MFN2: variants seen among roughly 807,000 people sequenced by gnomAD.
MFN2 encodes the protein mitofusin 2, also known as mitofusin-2.
A neutral mutation model predicts 87.5 loss-of-function variants in MFN2; 43 were observed. That is an observed-to-expected ratio of 0.49 (90% confidence interval 0.38 to 0.63). The LOEUF (loss-of-function observed/expected upper bound fraction) is 0.63. Among genes scored for constraint, MFN2 ranks in the 30% least tolerant of loss-of-function variants. MFN2 has a pLI of 0.00. For synonymous variants in MFN2, 337 were observed against 359.9 expected, an observed-to-expected ratio of 0.94 and a Z score of 0.72; for missense variants, 743 against 972.8, an observed-to-expected ratio of 0.76 and a Z score of 3.14.
chr1:11,997,980 T>C (rs1397574697), intron 6 of MFN2, among the ~76,000 whole-genome samples: 1 of 141,812 alleles, frequency 7.1e-6, no homozygotes, highest in Non-Finnish European at 1.5e-5. Context: ...GCCTCCCGGG[T>C]TCAAGTGATT....
chr1:12,001,270 C>T, intron 8 of MFN2, 131 bp from the exon 9 acceptor site: 1 of 1,310,482 alleles, frequency 7.6e-7, no homozygotes, highest in Non-Finnish European at 1.1e-6. Flanking sequence ...GCCTTGGCTT[C>T]CCAAAGTGCT....
At chr1:11,985,482 T>TTTTA (rs1180231528) in intron 2 of MFN2, among the ~76,000 whole-genome samples, 4 of 120,954 alleles carry the variant, frequency 3.3e-5, no homozygotes, top group African/African-American at 6.6e-5. Context: ...TTTTTTTTTT[T>TTTTA]AAAGAGAGAG....
intron 11 of MFN2, among the ~76,000 whole-genome samples, chr1:12,002,424 T>A (rs899087503): frequency 6.6e-6 from 1 of 152,262 alleles, no homozygotes; most frequent in African/African-American, 2.4e-5. Flanking sequence ...CCAGGAGCAG[T>A]GACTCACACC....
intron 15 of MFN2, 38 bp downstream of exon 15, chr1:12,005,969 G>T: frequency 6.3e-7 from 1 of 1,592,036 alleles, no homozygotes; most frequent in Non-Finnish European, 8.6e-7. Context: ...ATTGTGGGGG[G>T]TCAGTCTGTA....
rs1639245825 is a variant in MFN2, at chr1:12,003,080, T to C, written c.1161-912T>C. Among the ~76,000 whole-genome samples the C allele has an allele frequency of 6.6e-6, 1 of 151,218 alleles. No homozygotes were observed. Among genetic ancestry groups the C allele is most frequent in the African/African-American group, 2.4e-5 (1 of 41,072 alleles). On this transcript the variant is annotated intron_variant, in intron 11 of 18. Coordinates refer to ENST00000235329, the MANE Select transcript of MFN2 (RefSeq NM_014874.4). This position sits in a 1 kb window ranked among gnomAD's most constrained non-coding sequence, Gnocchi z 4.1. The stretch of plus-strand genomic sequence containing the variant: ...CCTCATTTTCCTATGGATGGAATTT[T>C]AGATTTTTTTTTTGCTATTGGAAAC...
At chr1:11,997,811 CATGTACAGT>C (rs1173338689) in intron 6 of MFN2, among the ~76,000 whole-genome samples, 1 of 149,748 alleles carries the variant, frequency 6.7e-6, no homozygotes, top group Admixed American at 6.6e-5. Flanking sequence ...ACTATACCAA[CATGTACAGT>C]ATTGTAGTGT....
At chr1:12,008,410 C>T (rs1340644623) in intron 17 of MFN2, among the ~76,000 whole-genome samples, 7 of 100,592 alleles carry the variant, frequency 7.0e-5, no homozygotes, top group South Asian at 7.4e-4. Context: ...GGTGGCTGGC[C>T]GGGCGGGGGC....
At chr1:12,010,015 G>A (rs1242102716) in intron 18 of MFN2, among the ~76,000 whole-genome samples, 2 of 152,206 alleles carry the variant, frequency 1.3e-5, no homozygotes, top group African/African-American at 2.4e-5. Context: ...TTAGCTGGTC[G>A]TGGTGGTGTG....
In MFN2 at chr1:12,003,182, G is replaced by C. The variant is rs571309507; in HGVS notation, c.1161-810G>C. On this transcript the variant is annotated intron_variant, in intron 11 of 18. Transcript: ENST00000235329. This position sits in a 1 kb window ranked among gnomAD's most constrained non-coding sequence, Gnocchi z 4.1. Reference sequence around the variant, plus strand: ...GTCTTCCTGGGGTGAGTTCCTAGGGGTGTGGCAATTCTGTTTTAGGGTACA... The same window carrying C: ...GTCTTCCTGGGGTGAGTTCCTAGGGCTGTGGCAATTCTGTTTTAGGGTACA... Among the ~76,000 whole-genome samples the C allele has an allele frequency of 4.6e-5, 7 of 152,200 alleles. No individual in the cohort carries two copies. Among genetic ancestry groups the C allele is most frequent in the African/African-American group, 1.4e-4 (6 of 41,544 alleles).
intron 2 of MFN2, among the ~76,000 whole-genome samples, chr1:11,985,802 C>T (rs2100792282): frequency 6.6e-6 from 1 of 152,250 alleles, no homozygotes. Context: ...GGATGGCTTT[C>T]CTCTTGTGCC....
chr1:11,992,524 G>A (rs757571162), intron 3 of MFN2, 31 bp from the exon 4 acceptor site: 33 of 1,613,892 alleles, frequency 2.0e-5, no homozygotes, highest in South Asian at 4.4e-5. Context: ...CTCTGACCAC[G>A]TGGTGACCCA....
intron 2 of MFN2, among the ~76,000 whole-genome samples, chr1:11,988,166 G>A (rs1638508308): frequency 6.6e-6 from 1 of 151,566 alleles, no homozygotes; most frequent in Non-Finnish European, 1.5e-5. Context: ...ACAGTGGTGC[G>A]ATCTCGGCTC....
At chr1:12,011,251 AAC>A (rs1357172913) in intron 18 of MFN2, among the ~76,000 whole-genome samples, 2 of 152,184 alleles carry the variant, frequency 1.3e-5, no homozygotes, top group Non-Finnish European at 2.9e-5. Context: ...GGGTGAAGGA[AAC>A]ACAGGGCTTG....
In MFN2 at chr1:12,013,244, C is replaced by G. The variant is rs1639764207; in HGVS notation, c.*1679C>G. The G allele has an allele frequency of 5.3e-6, 2 of 377,630 alleles. No homozygotes were observed. 23.4% of individuals were successfully genotyped at this position (377,630 alleles called of 1,614,324 possible). A position where few individuals can be genotyped will look rare whatever the true frequency, so the allele number is the denominator to read the frequency against. ...ACATGAATTTTTTTTCAATGTAGCCCCTGGGGAATGAATGAAATTTTGAGC... is the reference window on the plus strand; with the variant it reads ...ACATGAATTTTTTTTCAATGTAGCCGCTGGGGAATGAATGAAATTTTGAGC... On this transcript the variant is annotated 3_prime_UTR_variant, in exon 19 of 19. Coordinates refer to ENST00000235329, the MANE Select transcript of MFN2 (RefSeq NM_014874.4).
intron 3 of MFN2, among the ~76,000 whole-genome samples, chr1:11,991,580 A>G (rs1001235605): frequency 4.6e-5 from 7 of 152,142 alleles, no homozygotes; most frequent in African/African-American, 1.7e-4. Context: ...GGAGACCGTG[A>G]GGCAGCGGGT....
Position 11,997,418 on chromosome 1 carries a change from A to G in MFN2, c.596A>G (p.Asp199Gly). ...PLLKDDLVLM[D>G]SPGIDVTTEL... ...CTGAAGGATGACCTCGTTTTGATGG[A>G]CAGGTAAGAGGGAGGTGCCCTCCTA... The change falls in exon 6 of 19, where the codon GAC (aspartate) becomes GGC (glycine). Residue 199 changes from aspartate to glycine, a missense_variant. By Grantham distance (94) the Asp-to-Gly change is moderately conservative. Coordinates refer to ENST00000235329, the MANE Select transcript of MFN2 (RefSeq NM_014874.4). 1 of 1,614,120 alleles carries G rather than the reference A, an allele frequency of 6.2e-7. No homozygotes were observed. Among genetic ancestry groups the G allele is most frequent in the Non-Finnish European group, 8.5e-7 (1 of 1,179,974 alleles).
intron 6 of MFN2, among the ~76,000 whole-genome samples, chr1:11,997,807 C>A (rs566395413): frequency 1.5e-4 from 23 of 150,870 alleles, no homozygotes; most frequent in African/African-American, 5.6e-4. Context: ...TATAACTATA[C>A]CAACATGTAC....
rs572895609 is a variant in MFN2, at chr1:12,013,344, T to C, written c.*1779T>C. ...CTGAAAGAAGTATGGCCAAAAGCAC[T>C]TTAATGCTGCTGACATTGTTGTTTT... On this transcript the variant is annotated 3_prime_UTR_variant, in exon 19 of 19. Coordinates refer to ENST00000235329, the MANE Select transcript of MFN2 (RefSeq NM_014874.4). The C allele has an allele frequency of 1.4e-4, 67 of 471,208 alleles. No individual in the cohort carries two copies. Among genetic ancestry groups the C allele is most frequent in the Non-Finnish European group, 2.8e-4 (63 of 227,066 alleles). The allele number at this position is 471,208 out of a possible 1,614,324, so 29.2% of individuals were successfully genotyped here. A position where few individuals can be genotyped will look rare whatever the true frequency, so the allele number is the denominator to read the frequency against.
rs368032696 is a variant in MFN2, at chr1:12,004,560, G to A, written c.1339G>A (p.Asp447Asn). 5.0e-6 allele frequency: 8 copies of A among 1,614,142 alleles called. No individual in the cohort carries two copies. The highest frequency in any genetic ancestry group is 5.9e-6 in the Non-Finnish European group (7 of 1,180,014). The change falls in exon 13 of 19, where the codon GAT (aspartate) becomes AAT (asparagine). Residue 447 changes from aspartate (D) to asparagine (N), a missense_variant. By Grantham distance (23) the Asp-to-Asn change is conservative. This residue lies in a region of MFN2 where 571 missense variants were observed against 670.7 expected (regional missense o/e 0.85). Coordinates refer to ENST00000235329, the MANE Select transcript of MFN2 (RefSeq NM_014874.4). This position sits in a 1 kb window ranked among gnomAD's most constrained non-coding sequence, Gnocchi z 4.2. ...EIRRLSVLVD[D>N]YQMDFHPSPV... ...CAGGCGCCTCTCTGTACTGGTGGACGATTACCAGATGGACTTCCACCCTTC... is the reference window on the plus strand; with the variant it reads ...CAGGCGCCTCTCTGTACTGGTGGACAATTACCAGATGGACTTCCACCCTTC...
Sources: allele counts gnomAD v4.1 joint callset (sites outside exome capture counted in the v4.1 genomes callset), GRCh38; gene constraint gnomAD v4.1.1; regional missense constraint gnomAD v4.1.1; non-coding constraint Gnocchi (gnomAD v3.1); transcripts MANE v1.5; gene names NCBI Gene and HGNC (gene_info 2026-07-23, HGNC 2026-07-21).